The following SGSM1 variants were observed in gnomAD, a reference collection of about 807,000 sequenced individuals.
SGSM1 encodes small G protein signaling modulator 1.
In SGSM1, 73 loss-of-function variants were observed where a neutral mutation model predicts 133.8. That is an observed-to-expected ratio of 0.55 (90% CI 0.45 to 0.66). SGSM1 has a LOEUF of 0.66. Among genes scored for constraint, SGSM1 ranks in the 30% least tolerant of loss-of-function variants. The pLI is 0.00. For missense variants in SGSM1, 1,213 were observed against 1,448.1 expected, an observed-to-expected ratio of 0.84 and a Z score of 2.64; for synonymous variants, 563 against 573.0, an observed-to-expected ratio of 0.98 and a Z score of 0.25.
At position 24,872,253 on chromosome 22, in the gene SGSM1, C is replaced by G. The variant is rs987698952; in HGVS notation, c.1291+3398C>G. ...CTCAGTGTCTCATCAGACCTGTCTCCGCTGGGTTCTTTGCCTGCCCCTTGT... is the reference window on the plus strand; with the variant it reads ...CTCAGTGTCTCATCAGACCTGTCTCGGCTGGGTTCTTTGCCTGCCCCTTGT... On this transcript the variant is annotated intron_variant, in intron 12 of 24. Transcript: ENST00000400358. 3.3e-5 allele frequency among the ~76,000 whole-genome samples: 5 copies of G among 152,156 alleles called. No individual in the cohort carries two copies. The South Asian group carries it at 1.0e-3, about 32-fold the overall frequency.
intron 2 of SGSM1, among the ~76,000 whole-genome samples, chr22:24,821,975 C>CAGGT (rs1928499494): frequency 6.6e-6 from 1 of 151,740 alleles, no homozygotes; most frequent in Non-Finnish European, 1.5e-5. Flanking sequence ...TGGTGCTGTG[C>CAGGT]GTTGTGTAGG....
intron 2 of SGSM1, among the ~76,000 whole-genome samples, chr22:24,824,367 C>G (rs1323602260): frequency 6.6e-6 from 1 of 152,054 alleles, no homozygotes; most frequent in East Asian, 1.9e-4. Context: ...AAGGATTGGC[C>G]ACAGCATAGA....
intron 20 of SGSM1, among the ~76,000 whole-genome samples, chr22:24,904,477 G>GT (rs1489296733): frequency 6.6e-6 from 1 of 151,860 alleles, no homozygotes; most frequent in Non-Finnish European, 1.5e-5. Context: ...CTACTCGGGA[G>GT]GCTGAGGCAG....
chr22:24,875,436 AAC>A (rs1931980978), intron 12 of SGSM1, among the ~76,000 whole-genome samples: 1 of 152,184 alleles, frequency 6.6e-6, no homozygotes, highest in Non-Finnish European at 1.5e-5. Flanking sequence ...GCACTAGAAC[AAC>A]AGAGTCAGGT....
chr22:24,894,816 A>G (rs1300830327), intron 17 of SGSM1, among the ~76,000 whole-genome samples: 1 of 152,156 alleles, frequency 6.6e-6, no homozygotes, highest in Non-Finnish European at 1.5e-5. Flanking sequence ...GGCCAAGTCT[A>G]GTGTCAGAGT....
At chr22:24,820,179 G>A (rs185439304) in intron 2 of SGSM1, among the ~76,000 whole-genome samples, 15 of 152,306 alleles carry the variant, frequency 9.8e-5, no homozygotes, top group East Asian at 1.9e-4. Context: ...GTGCATGGGC[G>A]TGGCAGCCTG....
chr22:24,836,005 A>C (rs1929406335), intron 2 of SGSM1, among the ~76,000 whole-genome samples: 1 of 152,222 alleles, frequency 6.6e-6, no homozygotes, highest in African/African-American at 2.4e-5. Flanking sequence ...AACCATTTTT[A>C]AGTGTACAAT....
intron 24 of SGSM1, among the ~76,000 whole-genome samples, chr22:24,920,511 G>A (rs1336809085): frequency 6.6e-6 from 1 of 152,266 alleles, no homozygotes; most frequent in East Asian, 1.9e-4. Context: ...GGGATAAAAT[G>A]GTACTAACAC....
chr22:24,875,556 C>T lies in SGSM1; in HGVS notation c.1292-1021C>T, dbSNP rs562480837. Among the ~76,000 whole-genome samples the T allele has an allele frequency of 2.1e-3, 311 of 150,748 alleles. 2 individuals are homozygous for T. Among genetic ancestry groups the T allele is most frequent in the African/African-American group, 6.8e-3 (279 of 41,016 alleles). On this transcript the variant is annotated intron_variant, in intron 12 of 24. Coordinates refer to ENST00000400358, the MANE Select transcript of SGSM1 (RefSeq NM_001098497.3). Reference sequence around the variant, plus strand: ...TGTTTTAAAGAAGATAAAAGAATGGCGTGAACCCAGGAGGCGGAGCTTGCA... The same window carrying T: ...TGTTTTAAAGAAGATAAAAGAATGGTGTGAACCCAGGAGGCGGAGCTTGCA...
chr22:24,890,178 G>T lies in SGSM1; in HGVS notation c.1771-3253G>T, dbSNP rs192907447. Among the ~76,000 whole-genome samples, 446 of 151,722 alleles carry T rather than the reference G, an allele frequency of 2.9e-3. 2 individuals are homozygous for T. The highest frequency in any genetic ancestry group is 4.8e-3 in the Non-Finnish European group (328 of 67,938). The stretch of plus-strand genomic sequence containing the variant: ...TTACCGTGTTAGATAGGATGGTCTC[G>T]ATCTCCTGACCTTGTGATCCGCCCG... On this transcript the variant is annotated intron_variant, in intron 16 of 24. Transcript: ENST00000400358.
At chr22:24,839,979 G>GGCTGGAGT (rs746601488) in intron 2 of SGSM1, among the ~76,000 whole-genome samples, 11 of 128,952 alleles carry the variant, frequency 8.5e-5, no homozygotes, top group Non-Finnish European at 3.1e-5. Context: ...CTGTCACCCA[G>GGCTGGAGT]GCTGGAGTGC....
At chr22:24,810,701 A>G (rs1927682694) in intron 2 of SGSM1, among the ~76,000 whole-genome samples, 1 of 152,032 alleles carries the variant, frequency 6.6e-6, no homozygotes, top group Non-Finnish European at 1.5e-5. Context: ...GGAGACAGGG[A>G]GATGAGGCAG....
intron 5 of SGSM1, among the ~76,000 whole-genome samples, chr22:24,852,532 G>C (rs528013291): frequency 2.0e-5 from 3 of 152,026 alleles, no homozygotes; most frequent in African/African-American, 7.2e-5. Context: ...CAACCTCTGC[G>C]TCCCGTGTTC....
chr22:24,892,542 C>A (rs1014877639), intron 16 of SGSM1, among the ~76,000 whole-genome samples: 1 of 152,056 alleles, frequency 6.6e-6, no homozygotes, highest in African/African-American at 2.4e-5. Flanking sequence ...ATCCTCAGCA[C>A]CTGTAGCCCA....
intron 23 of SGSM1, among the ~76,000 whole-genome samples, chr22:24,919,402 G>A (rs1335304629): frequency 6.6e-6 from 1 of 152,132 alleles, no homozygotes; most frequent in Non-Finnish European, 1.5e-5. Context: ...AGACTCAGAG[G>A]CCACAGCCGG....
intron 16 of SGSM1, among the ~76,000 whole-genome samples, chr22:24,890,351 T>C (rs1346293658): frequency 6.6e-6 from 1 of 152,150 alleles, no homozygotes; most frequent in African/African-American, 2.4e-5. Flanking sequence ...AATTATAAGT[T>C]CACAAGAAGC....
chr22:24,855,193 G>T, intron 6 of SGSM1, 92 bp from the exon 7 acceptor site: 1 of 1,550,314 alleles, frequency 6.5e-7, no homozygotes, highest in Non-Finnish European at 8.7e-7. Flanking sequence ...GCTGGCTGGA[G>T]GGGAGGGTAG....
intron 2 of SGSM1, among the ~76,000 whole-genome samples, chr22:24,824,489 AC>A (rs957588789): frequency 2.0e-5 from 3 of 151,518 alleles, no homozygotes; most frequent in Non-Finnish European, 4.4e-5. Flanking sequence ...CCACCCCATC[AC>A]CATCACCAGC....
chr22:24,854,436 A>C (rs571242614), intron 5 of SGSM1, among the ~76,000 whole-genome samples: 1 of 152,306 alleles, frequency 6.6e-6, no homozygotes, highest in Admixed American at 6.5e-5. Context: ...ACTATTATAA[A>C]GGCTCTATCA....
Sources: allele counts gnomAD v4.1 joint callset (sites outside exome capture counted in the v4.1 genomes callset), GRCh38; gene constraint gnomAD v4.1.1; transcripts MANE v1.5; gene names NCBI Gene and HGNC (gene_info 2026-07-23, HGNC 2026-07-21).